LRRC4: variants seen among roughly 807,000 people sequenced by gnomAD.
The protein encoded by LRRC4 is leucine-rich repeat-containing protein 4.
A neutral mutation model predicts 37.9 loss-of-function variants in LRRC4; 11 were observed. That is an observed-to-expected ratio of 0.29 (90% CI 0.18 to 0.48). The LOEUF (loss-of-function observed/expected upper bound fraction) is 0.48, where lower values mean the gene tolerates loss of function less well. Ranked by LOEUF, LRRC4 falls within the 20% of genes least tolerant of loss-of-function variation. LRRC4 has a pLI of 0.99. For synonymous variants in LRRC4, 404 were observed against 346.7 expected (o/e 1.17, Z -1.84); for missense variants, 717 against 842.1 (o/e 0.85, Z 1.84).
Position 128,028,602 on chromosome 7 carries a change from C to T in LRRC4, c.*77G>A. 1 of 1,355,394 alleles carries T rather than the reference C, an allele frequency of 7.4e-7. No homozygotes were observed. Among genetic ancestry groups the T allele is most frequent in the East Asian group, 2.3e-5 (1 of 43,280 alleles). 84.0% of individuals were successfully genotyped at this position (1,355,394 alleles called of 1,614,324 possible). On this transcript the variant is annotated 3_prime_UTR_variant, in exon 2 of 2. Coordinates refer to ENST00000249363, the MANE Select transcript of LRRC4 (RefSeq NM_022143.5). The stretch of plus-strand genomic sequence containing the variant: ...TATATAAGCATATACAAGAAAAAGT[C>T]TCTCCCCACTCTGTACAAAAGTTGC...
In LRRC4 at chr7:128,028,644, CTATTGCATTT is replaced by C. The variant is rs762320169; in HGVS notation, c.*25_*34del. 1.6e-5 allele frequency: 26 copies of C among 1,580,010 alleles called. No individual in the cohort carries two copies. The African/African-American group carries it at 3.0e-4, about 18-fold the overall frequency. ...AAAAGTTGCTGTCTTTGTGTGCATT[CTATTGCATTT>C]TATAAGTTTTTTGGGGGAGGGGAGT... On this transcript the variant is annotated 3_prime_UTR_variant, in exon 2 of 2. Transcript: ENST00000249363.
Position 128,027,624 on chromosome 7 carries a change from C to G in LRRC4, c.*1055G>C, listed in dbSNP as rs1803515020. ...CATGAGAAAAGCTTCCACTCCCAAG[C>G]TCCCCAATTCAGGCTTCTCCTCCCT... On this transcript the variant is annotated 3_prime_UTR_variant, in exon 2 of 2. Coordinates refer to ENST00000249363, the MANE Select transcript of LRRC4 (RefSeq NM_022143.5). 1 of 152,212 alleles carries G rather than the reference C, an allele frequency of 6.6e-6. No individual in the cohort carries two copies. The highest frequency in any genetic ancestry group is 2.1e-4 in the South Asian group (1 of 4,828). 9.4% of individuals were successfully genotyped at this position (152,212 alleles called of 1,614,324 possible).
In LRRC4 at chr7:128,031,333, A is replaced by C. The variant is rs1792594568; in HGVS notation, c.-521T>G. On this transcript the variant is annotated 5_prime_UTR_variant, in exon 1 of 2. Transcript: ENST00000249363. ...GGCCCGCTCTGCGGGCCGCCGCCGG[A>C]GGGAGTGCGGGGGCGCCCCGAAGCC... is the stretch of plus-strand genomic sequence containing the variant. Among the ~76,000 whole-genome samples the C allele has an allele frequency of 6.6e-6, 1 of 151,502 alleles. No individual in the cohort carries two copies. Among genetic ancestry groups the C allele is most frequent in the East Asian group, 2.0e-4 (1 of 5,070 alleles).
Position 128,029,048 on chromosome 7 carries a change from G to A in LRRC4, c.1593C>T (p.Gly531=). Residue 531 remains glycine (G), a synonymous_variant, in exon 2 of 2, where the codon GGC becomes GGT. Transcript: ENST00000249363. The surrounding 1 kb of genome is among the most constrained non-coding windows in gnomAD (Gnocchi z 4.2). ...CTAGCAGAGTCACTGCCACAAAGCA[G>A]CCAATGATGATCTTGGTGGTCTTCA... ...EVMKTTKIII[G]CFVAVTLLAA... 1 of 1,614,092 alleles carries A rather than the reference G, an allele frequency of 6.2e-7. No homozygotes were observed. Among genetic ancestry groups the A allele is most frequent in the South Asian group, 1.1e-5 (1 of 91,074 alleles).
In LRRC4 at chr7:128,029,533, C is replaced by T. The variant is rs763465624; in HGVS notation, c.1108G>A (p.Ala370Thr). 8.1e-6 allele frequency: 13 copies of T among 1,613,924 alleles called. No homozygotes were observed. Among genetic ancestry groups the T allele is most frequent in the African/African-American group, 1.3e-5 (1 of 74,880 alleles). ...RDLNISEGRM[A>T]ELKCRTPPMS... ...GGGGGAGTCCGACACTTAAGTTCTG[C>T]CATCCGACCCTCAGAAATGTTGAGG... is the stretch of plus-strand genomic sequence containing the variant. The change falls in exon 2 of 2, where the codon GCA (alanine) becomes ACA (threonine). Residue 370 changes from alanine to threonine, a missense_variant. This residue lies in a region of LRRC4 where 293 missense variants were observed against 268.3 expected (regional missense o/e 1.09). Coordinates refer to ENST00000249363, the MANE Select transcript of LRRC4 (RefSeq NM_022143.5). This position sits in a 1 kb window ranked among gnomAD's most constrained non-coding sequence, Gnocchi z 4.2.
In LRRC4 at chr7:128,030,136, G is replaced by T. The variant is rs777776963; in HGVS notation, c.505C>A (p.Arg169=). Residue 169 remains arginine, a synonymous_variant, in exon 2 of 2, where the codon CGG becomes AGG. Coordinates refer to ENST00000249363, the MANE Select transcript of LRRC4 (RefSeq NM_022143.5). The part of the protein sequence containing the change: ...IESIPSYAFN[R]VPSLMRLDLG... Reference sequence around the variant, plus strand: ...TCCAGGCGCATGAGGGAGGGCACCCGGTTGAAGGCGTAAGAGGGGATGCTT... The same window carrying T: ...TCCAGGCGCATGAGGGAGGGCACCCTGTTGAAGGCGTAAGAGGGGATGCTT... 8 of 1,614,076 alleles carry T rather than the reference G, an allele frequency of 5.0e-6. No homozygotes were observed. The highest frequency in any genetic ancestry group is 6.8e-6 in the Non-Finnish European group (8 of 1,180,042).
At chr7:128,031,747 G>GGCC (rs1474266921), upstream of LRRC4, 4 of 144,448 alleles carry the variant, frequency 2.8e-5, no homozygotes, top group South Asian at 6.3e-4. Flanking sequence ...CGGCGGCGGC[G>GGCC]GCCGCAGCCC....
upstream of LRRC4, chr7:128,032,071 C>T (rs2116991520): frequency 6.6e-6 from 1 of 152,052 alleles, no homozygotes; most frequent in East Asian, 1.9e-4. Context: ...GCAGACTGCT[C>T]TCTCATCCTT....
At position 128,030,547 on chromosome 7, in the gene LRRC4, A is replaced by G; in HGVS notation, c.94T>C (p.Cys32Arg). 1 of 1,613,340 alleles carries G rather than the reference A, an allele frequency of 6.2e-7. No individual in the cohort carries two copies. Among genetic ancestry groups the G allele is most frequent in the Non-Finnish European group, 8.5e-7 (1 of 1,179,742 alleles). The part of the protein sequence containing the change: ...VYLTAQVWIL[C>R]AAIAAAASAG... Reference sequence around the variant, plus strand: ...GAGGCGGCAGCAGCGATGGCTGCACACAGAATCCACACTTGCGCCGTGAGG... The same window carrying G: ...GAGGCGGCAGCAGCGATGGCTGCACGCAGAATCCACACTTGCGCCGTGAGG... Residue 32 changes from cysteine to arginine, a missense_variant, in exon 2 of 2, where the codon TGT becomes CGT. Around this residue, in one of 5 missense-constraint regions of LRRC4, gnomAD observed 127 missense variants for 134.8 expected, o/e 0.94. Coordinates refer to ENST00000249363, the MANE Select transcript of LRRC4 (RefSeq NM_022143.5).
chr7:128,029,084 C>T lies in LRRC4; in HGVS notation c.1557G>A (p.Leu519=), dbSNP rs1273585305. Reference sequence around the variant, plus strand: ...TCTTGGTGGTCTTCATGACTTCATCCAGGCTGGTCTGCATCTTGTCAGTGG... The same window carrying T: ...TCTTGGTGGTCTTCATGACTTCATCTAGGCTGGTCTGCATCTTGTCAGTGG... ...TDTTDKMQTS[L]DEVMKTTKII... The change falls in exon 2 of 2, where the codon CTG becomes CTA. Residue 519 remains leucine (L), a synonymous_variant. Coordinates refer to ENST00000249363, the MANE Select transcript of LRRC4 (RefSeq NM_022143.5). This position sits in a 1 kb window ranked among gnomAD's most constrained non-coding sequence, Gnocchi z 4.2. 6.2e-7 allele frequency: 1 copy of T among 1,614,024 alleles called. No individual in the cohort carries two copies. Among genetic ancestry groups the T allele is most frequent in the Non-Finnish European group, 8.5e-7 (1 of 1,179,992 alleles).
At chr7:128,030,858 A>G in intron 1 of LRRC4, 55 bp downstream of exon 1, 2 of 536,154 alleles carry the variant, frequency 3.7e-6, no homozygotes, top group Non-Finnish European at 6.5e-6. Context: ...AAGCCCTCCG[A>G]AAGCTACGAC....
chr7:128,028,479 T>G lies in LRRC4; in HGVS notation c.*200A>C. The G allele has an allele frequency of 2.0e-4, 75 of 366,256 alleles. No homozygotes were observed. The highest frequency in any genetic ancestry group is 2.9e-4 in the East Asian group (5 of 17,260). 22.7% of individuals were successfully genotyped at this position (366,256 alleles called of 1,614,324 possible). On this transcript the variant is annotated 3_prime_UTR_variant, in exon 2 of 2. Coordinates refer to ENST00000249363, the MANE Select transcript of LRRC4 (RefSeq NM_022143.5). ...GTTCCCAAGATTCCCCCCCACCCCC[T>G]TTAAATAGAACTTACAAGTTAGAAA...
rs567096978 is a variant in LRRC4 at position 128,027,810 on chromosome 7, C to T, written c.*869G>A. ...CTCTGCTTTACCCTCCCTTCCCACC[C>T]CCCTGCTGCCGCACCCCTTCAGGGG... On this transcript the variant is annotated 3_prime_UTR_variant, in exon 2 of 2. Coordinates refer to ENST00000249363, the MANE Select transcript of LRRC4 (RefSeq NM_022143.5). The T allele has an allele frequency of 1.3e-5, 2 of 152,218 alleles. No homozygotes were observed. The highest frequency in any genetic ancestry group is 4.8e-5 in the African/African-American group (2 of 41,428). 9.4% of individuals were successfully genotyped at this position (152,218 alleles called of 1,614,324 possible).
At chr7:128,032,096 G>C (rs1792634226), upstream of LRRC4, 1 of 151,960 alleles carries the variant, frequency 6.6e-6, no homozygotes, top group South Asian at 2.1e-4. Flanking sequence ...CCTTCAGTCA[G>C]AACGTGAATG....
In LRRC4 at chr7:128,029,359, T is replaced by G; in HGVS notation, c.1282A>C (p.Asn428His). The G allele has an allele frequency of 6.2e-7, 1 of 1,614,182 alleles. No individual in the cohort carries two copies. Among genetic ancestry groups the G allele is most frequent in the Non-Finnish European group, 8.5e-7 (1 of 1,180,034 alleles). ...DTGVYTCMVT[N>H]VAGNSNASAY... ...GAGGCGTTGGAGTTGCCTGCAACAT[T>G]GGTCACCATGCATGTGTACACCCCA... The change falls in exon 2 of 2, where the codon AAT (asparagine) becomes CAT (histidine). Residue 428 changes from asparagine (N) to histidine (H), a missense_variant. Asn to His is a moderately conservative substitution (Grantham distance 68). This residue lies in a region of LRRC4 where 293 missense variants were observed against 268.3 expected (regional missense o/e 1.09). Transcript: ENST00000249363. This position sits in a 1 kb window ranked among gnomAD's most constrained non-coding sequence, Gnocchi z 4.2.
Position 128,029,359 on chromosome 7 carries a change from T to C in LRRC4, c.1282A>G (p.Asn428Asp). 5 of 1,614,182 alleles carry C rather than the reference T, an allele frequency of 3.1e-6. No individual in the cohort carries two copies. The highest frequency in any genetic ancestry group is 4.2e-6 in the Non-Finnish European group (5 of 1,180,034). ...DTGVYTCMVT[N>D]VAGNSNASAY... ...GAGGCGTTGGAGTTGCCTGCAACAT[T>C]GGTCACCATGCATGTGTACACCCCA... The change falls in exon 2 of 2, where the codon AAT (asparagine) becomes GAT (aspartate). Residue 428 changes from asparagine (N) to aspartate (D), a missense_variant. Physicochemically the swap from Asn to Asp is conservative, Grantham distance 23. Around this residue, in one of 5 missense-constraint regions of LRRC4, gnomAD observed 293 missense variants for 268.3 expected, o/e 1.09. Coordinates refer to ENST00000249363, the MANE Select transcript of LRRC4 (RefSeq NM_022143.5). The surrounding 1 kb of genome is among the most constrained non-coding windows in gnomAD (Gnocchi z 4.2).
At position 128,028,454 on chromosome 7, in the gene LRRC4, G is replaced by A. The variant is rs902160014; in HGVS notation, c.*225C>T. The stretch of plus-strand genomic sequence containing the variant: ...TAACTTGTGGCTTGTACCCCACAAC[G>A]TTCCCAAGATTCCCCCCCACCCCCT... On this transcript the variant is annotated 3_prime_UTR_variant, in exon 2 of 2. Coordinates refer to ENST00000249363, the MANE Select transcript of LRRC4 (RefSeq NM_022143.5). 25 of 453,784 alleles carry A rather than the reference G, an allele frequency of 5.5e-5. No individual in the cohort carries two copies. The highest frequency in any genetic ancestry group is 7.5e-5 in the East Asian group (2 of 26,746). 28.1% of individuals were successfully genotyped at this position (453,784 alleles called of 1,614,324 possible).
Position 128,030,548 on chromosome 7 carries a change from C to G in LRRC4, c.93G>C (p.Leu31=), listed in dbSNP as rs774156311. The change falls in exon 2 of 2, where the codon CTG becomes CTC. Residue 31 remains leucine (L), a synonymous_variant. Transcript: ENST00000249363. Reference sequence around the variant, plus strand: ...AGGCGGCAGCAGCGATGGCTGCACACAGAATCCACACTTGCGCCGTGAGGT... The same window carrying G: ...AGGCGGCAGCAGCGATGGCTGCACAGAGAATCCACACTTGCGCCGTGAGGT... ...FVYLTAQVWI[L]CAAIAAAASA... is the part of the protein sequence containing the mutation. 1 of 1,613,368 alleles carries G rather than the reference C, an allele frequency of 6.2e-7. No homozygotes were observed. Among genetic ancestry groups the G allele is most frequent in the Non-Finnish European group, 8.5e-7 (1 of 1,179,754 alleles).
chr7:128,028,599 A>T lies in LRRC4; in HGVS notation c.*80T>A, dbSNP rs958640546. 7.5e-6 allele frequency: 10 copies of T among 1,326,078 alleles called. No individual in the cohort carries two copies. In the African/African-American group the frequency reaches 1.2e-4, roughly 16 times the overall value. The allele number at this position is 1,326,078 out of a possible 1,614,324, so 82.1% of individuals were successfully genotyped here. A position where few individuals can be genotyped will look rare whatever the true frequency, so the allele number is the denominator to read the frequency against. On this transcript the variant is annotated 3_prime_UTR_variant, in exon 2 of 2. Transcript: ENST00000249363. ...TAATATATAAGCATATACAAGAAAAAGTCTCTCCCCACTCTGTACAAAAGT... is the reference window on the plus strand; with the variant it reads ...TAATATATAAGCATATACAAGAAAATGTCTCTCCCCACTCTGTACAAAAGT...
Sources: gnomAD v4.1 joint callset for allele counts (sites outside exome capture counted in the v4.1 genomes callset) on GRCh38, gnomAD v4.1.1 for gene constraint, gnomAD v4.1.1 regional missense constraint, Gnocchi (gnomAD v3.1) non-coding constraint, MANE v1.5 for transcripts, NCBI Gene and HGNC (gene_info 2026-07-23, HGNC 2026-07-21) for gene names.